Variants in HMGN3 observed in about 807,000 individuals in gnomAD.
The protein encoded by HMGN3 is high mobility group nucleosomal binding domain 3, also known as high mobility group nucleosome-binding domain-containing protein 3.
In HMGN3, 6 loss-of-function variants were observed where a neutral mutation model predicts 18.8. The observed-to-expected ratio is 0.32, with a 90% CI of 0.18 to 0.63. HMGN3 has a LOEUF of 0.63. Ranked by LOEUF, HMGN3 falls within the 30% of genes least tolerant of loss-of-function variation. HMGN3 has a pLI of 0.79. For synonymous variants in HMGN3, 40 were observed against 36.5 expected (o/e 1.10, Z -0.35); for missense variants, 107 against 114.2 (o/e 0.94, Z 0.29).
intron 1 of HMGN3, among the ~76,000 whole-genome samples, chr6:79,233,210 GT>G (rs1562008487): frequency 6.6e-6 from 1 of 152,202 alleles, no homozygotes; most frequent in Non-Finnish European, 1.5e-5. Flanking sequence ...CGCTCAAGCT[GT>G]TTTCAGGATT....
At chr6:79,203,095 G>C (rs1231837767) in intron 4 of HMGN3, among the ~76,000 whole-genome samples, 2 of 152,060 alleles carry the variant, frequency 1.3e-5, no homozygotes, top group African/African-American at 4.8e-5. Context: ...TGATGTGAAG[G>C]TCATATGAGT....
At position 79,202,401 on chromosome 6, in the gene HMGN3, T is replaced by A. The variant is rs746260595; in HGVS notation, c.148-12A>T. 6.3e-7 allele frequency: 1 copy of A among 1,592,740 alleles called. No individual in the cohort carries two copies. The highest frequency in any genetic ancestry group is 8.6e-7 in the Non-Finnish European group (1 of 1,160,850). The stretch of plus-strand genomic sequence containing the variant: ...GCTCCAGGTTCTTTCTAACAGAGGA[T>A]CAAAGCACAGTGAAAGAGAATGTTA... On this transcript the variant is annotated splice_polypyrimidine_tract_variant and intron_variant, in intron 4 of 5. Coordinates refer to ENST00000344726, the Ensembl canonical transcript of HMGN3.
intron 2 of HMGN3, among the ~76,000 whole-genome samples, chr6:79,208,952 C>G (rs1393341337): frequency 6.6e-6 from 1 of 152,142 alleles, no homozygotes; most frequent in African/African-American, 2.4e-5. Context: ...CAGTCTGACT[C>G]CAGCTCCTTA....
chr6:79,219,321 C>T (rs1306295988), intron 1 of HMGN3, among the ~76,000 whole-genome samples: 1 of 152,068 alleles, frequency 6.6e-6, no homozygotes, highest in African/African-American at 2.4e-5. Context: ...TTGAGGAAAA[C>T]TGCCAACCTA....
intron 3 of HMGN3, among the ~76,000 whole-genome samples, chr6:79,207,564 T>C (rs1417775791): frequency 6.6e-6 from 1 of 152,204 alleles, no homozygotes; most frequent in Non-Finnish European, 1.5e-5. Context: ...TGCCCAGTCT[T>C]GAGTATGTCT....
At chr6:79,203,381 C>T (rs560732344) in intron 4 of HMGN3, among the ~76,000 whole-genome samples, 199 bp downstream of exon 4, 12 of 152,272 alleles carry the variant, frequency 7.9e-5, no homozygotes, top group African/African-American at 2.6e-4. Context: ...TCTGACTTCC[C>T]GTGCCTCACT....
intron 5 of HMGN3, 60 bp from the exon 7 acceptor site, chr6:79,201,786 G>T: frequency 6.3e-7 from 1 of 1,578,288 alleles, no homozygotes; most frequent in South Asian, 1.2e-5. Flanking sequence ...ATAAGCAAAG[G>T]AAATTCCACC....
At chr6:79,202,835 G>C (rs1055609441) in intron 4 of HMGN3, among the ~76,000 whole-genome samples, 14 of 152,278 alleles carry the variant, frequency 9.2e-5, no homozygotes, top group African/African-American at 3.4e-4. Context: ...TGACTAGAAA[G>C]CTGGGAAGGT....
chr6:79,203,438 A>T (rs1776251213), intron 4 of HMGN3, 142 bp downstream of exon 4: 1 of 730,018 alleles, frequency 1.4e-6, no homozygotes, highest in Non-Finnish European at 2.3e-6. Context: ...ACTGTGCTTT[A>T]TGCCTTTAAG....
chr6:79,202,007 C>T, intron 5 of HMGN3, 56 bp downstream of exon 6: 3 of 1,506,070 alleles, frequency 2.0e-6, no homozygotes, highest in Middle Eastern at 1.7e-4. Flanking sequence ...AACCACCACA[C>T]TACTATCTGA....
chr6:79,207,052 C>T (rs563762138), intron 3 of HMGN3, among the ~76,000 whole-genome samples: 12 of 152,170 alleles, frequency 7.9e-5, no homozygotes, highest in Non-Finnish European at 1.3e-4. Context: ...CCCCATTTTA[C>T]CCAAGAAGTA....
intron 1 of HMGN3, among the ~76,000 whole-genome samples, chr6:79,231,024 G>A (rs182423172): frequency 1.9e-4 from 29 of 152,272 alleles, no homozygotes; most frequent in African/African-American, 7.0e-4. Flanking sequence ...AGAGGCAGAT[G>A]GGCTTTCCTT....
intron 1 of HMGN3, among the ~76,000 whole-genome samples, chr6:79,230,960 T>C (rs1191238654): frequency 6.6e-6 from 1 of 152,238 alleles, no homozygotes; most frequent in Non-Finnish European, 1.5e-5. Flanking sequence ...CTACTGCTAC[T>C]GGGCCTTCCA....
intron 2 of HMGN3, among the ~76,000 whole-genome samples, chr6:79,214,500 C>T (rs1004462981): frequency 6.6e-6 from 1 of 152,150 alleles, no homozygotes; most frequent in Non-Finnish European, 1.5e-5. Context: ...TGCGCCCGGC[C>T]TATAGTTTTT....
intron 1 of HMGN3, 145 bp downstream of exon 1, chr6:79,234,401 A>T: frequency 1.4e-6 from 1 of 714,758 alleles, no homozygotes; most frequent in South Asian, 1.7e-5. Flanking sequence ...CGTCTGCAAC[A>T]GGCATCTAAA....
At chr6:79,201,602 T>C in exon 6 of HMGN3, 1 of 927,232 alleles carries the variant, frequency 1.1e-6, no homozygotes, top group Non-Finnish European at 1.7e-6. Flanking sequence ...CCTAAAAAAT[T>C]AGCATTTACA....
At position 79,227,602 on chromosome 6, in the gene HMGN3, T is replaced by C. The variant is rs149606988; in HGVS notation, c.15+6944A>G. On this transcript the variant is annotated intron_variant, in intron 1 of 5. Coordinates refer to ENST00000344726, the Ensembl canonical transcript of HMGN3. ...AATTCACTATCTCAGTTAATTCTCA[T>C]AATCAACGAAACAGAGCATATCATT... 2.2e-3 allele frequency among the ~76,000 whole-genome samples: 329 copies of C among 152,340 alleles called. 1 individual carries two copies. The highest frequency in any genetic ancestry group is 6.6e-3 in the African/African-American group (273 of 41,582).
intron 1 of HMGN3, among the ~76,000 whole-genome samples, chr6:79,220,288 A>G (rs1404827311): frequency 1.3e-5 from 2 of 152,224 alleles, no homozygotes; most frequent in African/African-American, 2.4e-5. Flanking sequence ...AAAAGCAGGA[A>G]AGTAAAAAAC....
chr6:79,201,728 TG>T lies in HMGN3; in HGVS notation c.262-3del. The T allele has an allele frequency of 6.2e-7, 1 of 1,604,392 alleles. No individual in the cohort carries two copies. The highest frequency in any genetic ancestry group is 1.1e-5 in the South Asian group (1 of 89,836). On this transcript the variant is annotated splice_polypyrimidine_tract_variant and splice_region_variant and intron_variant, in intron 5 of 5. Transcript: ENST00000344726. ...ATCTACAGATTCAGTTTTCTGTGCC[TG>T]TGAAAAAGAAAGGAAAAAAAAACAT...
Sources: allele counts gnomAD v4.1 joint callset (sites outside exome capture counted in the v4.1 genomes callset), GRCh38; gene constraint gnomAD v4.1.1; transcripts MANE v1.5; gene names NCBI Gene and HGNC (gene_info 2026-07-23, HGNC 2026-07-21).